Variants in UBE2H observed in about 807,000 individuals in gnomAD.
The protein encoded by UBE2H is ubiquitin-conjugating enzyme E2 H.
UBE2H carries 3 observed loss-of-function variants against 29.0 expected under a neutral mutation model. That is an observed-to-expected ratio of 0.10 (90% CI 0.05 to 0.27). UBE2H has a LOEUF of 0.27. UBE2H is among the 10% of genes least tolerant of loss of function. UBE2H has a pLI of 1.00. For missense variants in UBE2H, 68 were observed against 228.2 expected (o/e 0.30, Z 4.52); for synonymous variants, 69 against 82.9 (o/e 0.83, Z 0.91).
At position 129,834,078 on chromosome 7, in the gene UBE2H, A is replaced by G. The variant is rs1805279573; in HGVS notation, c.*859T>C. 6.6e-6 allele frequency: 1 copy of G among 152,260 alleles called. No homozygotes were observed. Among genetic ancestry groups the G allele is most frequent in the Non-Finnish European group, 1.5e-5 (1 of 68,054 alleles). The allele number at this position is 152,260 out of a possible 1,614,324, so 9.4% of individuals were successfully genotyped here. A position where few individuals can be genotyped will look rare whatever the true frequency, so the allele number is the denominator to read the frequency against. Reference sequence around the variant, plus strand: ...TATTTAAAGCTCTTAAGTTCAGGGTAGCGGTCTCAAACTGCCAAACACTAG... The same window carrying G: ...TATTTAAAGCTCTTAAGTTCAGGGTGGCGGTCTCAAACTGCCAAACACTAG... On this transcript the variant is annotated 3_prime_UTR_variant, in exon 7 of 7. Transcript: ENST00000355621.
rs1584761415 is a variant in UBE2H at position 129,879,657 on chromosome 7, A to G, written c.131-15T>C. ...TTCATATGGTGCTGAAATAAAAGTAAAAATGTTCATCAGAACTACATCTCC... is the reference window on the plus strand; with the variant it reads ...TTCATATGGTGCTGAAATAAAAGTAGAAATGTTCATCAGAACTACATCTCC... On this transcript the variant is annotated splice_polypyrimidine_tract_variant and intron_variant, in intron 2 of 6. Transcript: ENST00000355621. The G allele has an allele frequency of 1.2e-6, 2 of 1,605,552 alleles. No individual in the cohort carries two copies. The highest frequency in any genetic ancestry group is 2.2e-5 in the South Asian group (2 of 89,814).
rs879530415 is a variant in UBE2H, at chr7:129,914,767, T to C, written c.54-33796A>G. 3.7e-4 allele frequency among the ~76,000 whole-genome samples: 56 copies of C among 152,152 alleles called. 1 individual carries two copies. The highest frequency in any genetic ancestry group is 3.7e-3 in the Admixed American group (56 of 15,270). On this transcript the variant is annotated intron_variant, in intron 1 of 6. Coordinates refer to ENST00000355621, the MANE Select transcript of UBE2H (RefSeq NM_003344.4). ...TCAGTACCATAATAGAGAATTTAGT[T>C]GTTCAGAGTCAAAGCTCCCGAGTTA...
At chr7:129,877,885 T>C (rs1350692120) in intron 3 of UBE2H, among the ~76,000 whole-genome samples, 2 of 150,910 alleles carry the variant, frequency 1.3e-5, no homozygotes, top group Non-Finnish European at 2.9e-5. Flanking sequence ...AGTTCACTCT[T>C]AGTTTCAACA....
At chr7:129,918,956 C>T (rs1807098777) in intron 1 of UBE2H, among the ~76,000 whole-genome samples, 2 of 151,776 alleles carry the variant, frequency 1.3e-5, no homozygotes, top group Non-Finnish European at 2.9e-5. Context: ...TGGTAGTATA[C>T]GCCTATAGTA....
At position 129,833,476 on chromosome 7, in the gene UBE2H, G is replaced by A. The variant is rs1016528024; in HGVS notation, c.*1461C>T. On this transcript the variant is annotated 3_prime_UTR_variant, in exon 7 of 7. Coordinates refer to ENST00000355621, the MANE Select transcript of UBE2H (RefSeq NM_003344.4). ...CTAAAATTTCTCCAAACTCCCCTCC[G>A]AGTTCAGCAGGCAACACTCAGATTT... 6.6e-6 allele frequency: 1 copy of A among 152,166 alleles called. No individual in the cohort carries two copies. The highest frequency in any genetic ancestry group is 2.4e-5 in the African/African-American group (1 of 41,432). The allele number at this position is 152,166 out of a possible 1,614,324, so 9.4% of individuals were successfully genotyped here.
In UBE2H at chr7:129,861,994, T is replaced by G. The variant is rs145822701; in HGVS notation, c.206-3053A>C. Among the ~76,000 whole-genome samples, 475 of 152,368 alleles carry G rather than the reference T, an allele frequency of 3.1e-3. 2 individuals are homozygous for G. The highest frequency in any genetic ancestry group is 0.011 in the African/African-American group (453 of 41,590). ...AAAAAGCCAGTAAAACCAACCATTT[T>G]ATTTGAAATCTCGTATCTTAACACT... On this transcript the variant is annotated intron_variant, in intron 3 of 6. Transcript: ENST00000355621.
At chr7:129,903,074 T>C (rs879726940) in intron 1 of UBE2H, among the ~76,000 whole-genome samples, 1 of 152,214 alleles carries the variant, frequency 6.6e-6, no homozygotes, top group Non-Finnish European at 1.5e-5. Context: ...ATAATGCATA[T>C]GCAACCTAGT....
chr7:129,904,236 T>A lies in UBE2H; in HGVS notation c.54-23265A>T, dbSNP rs187897204. Among the ~76,000 whole-genome samples, 8 of 152,304 alleles carry A rather than the reference T, an allele frequency of 5.3e-5. No homozygotes were observed. The East Asian group carries it at 1.2e-3, about 22-fold the overall frequency. ...GCTATTTCTTCTGCCCAGCCCTGAT[T>A]TCCCTGTTTTGACAGATAGCTTGCT... On this transcript the variant is annotated intron_variant, in intron 1 of 6. Transcript: ENST00000355621.
rs548145258 is a variant in UBE2H at position 129,873,655 on chromosome 7, C to G, written c.205+5913G>C. Among the ~76,000 whole-genome samples, 4 of 151,592 alleles carry G rather than the reference C, an allele frequency of 2.6e-5. No individual in the cohort carries two copies. The East Asian group carries it at 7.8e-4, about 29-fold the overall frequency. On this transcript the variant is annotated intron_variant, in intron 3 of 6. Coordinates refer to ENST00000355621, the MANE Select transcript of UBE2H (RefSeq NM_003344.4). ...GTTTCTCCATATTGCTCAGGGTGGTCTCAAACCCCTTGTCTCCAGTGATGT... is the reference window on the plus strand; with the variant it reads ...GTTTCTCCATATTGCTCAGGGTGGTGTCAAACCCCTTGTCTCCAGTGATGT...
intron 1 of UBE2H, among the ~76,000 whole-genome samples, chr7:129,907,486 A>G (rs1221999274): frequency 6.6e-6 from 1 of 152,202 alleles, no homozygotes; most frequent in Non-Finnish European, 1.5e-5. Flanking sequence ...TTTTATTGCA[A>G]TAAGAGGTTC....
In UBE2H at chr7:129,867,465, C is replaced by T. The variant is rs546324689; in HGVS notation, c.206-8524G>A. On this transcript the variant is annotated intron_variant, in intron 3 of 6. Coordinates refer to ENST00000355621, the MANE Select transcript of UBE2H (RefSeq NM_003344.4). ...ATCGCAAGAACAAAAAACCAAACAC[C>T]GCATATTCTCACTCATAGGTGGGAA... Among the ~76,000 whole-genome samples, 156 of 114,382 alleles carry T rather than the reference C, an allele frequency of 1.4e-3. 1 individual carries two copies. Among genetic ancestry groups the T allele is most frequent in the African/African-American group, 4.8e-3 (141 of 29,204 alleles). 75.0% of individuals were successfully genotyped at this position (114,382 alleles called of 152,430 possible).
At chr7:129,852,335 T>A (rs1392845928) in intron 5 of UBE2H, among the ~76,000 whole-genome samples, 4 of 152,136 alleles carry the variant, frequency 2.6e-5, no homozygotes, top group Non-Finnish European at 5.9e-5. Flanking sequence ...AAATAAATTT[T>A]AGGTGCCTGT....
rs1468296702 is a variant in UBE2H at position 129,952,798 on chromosome 7, G to A, written c.-243C>T. ...GCTGCCCCTCTCCGGCTGTGGTTCC[G>A]CCGCGGCCCTGCCCCGGCGCTCCTC... On this transcript the variant is annotated 5_prime_UTR_variant, in exon 1 of 7. Coordinates refer to ENST00000355621, the MANE Select transcript of UBE2H (RefSeq NM_003344.4). 1 of 317,646 alleles carries A rather than the reference G, an allele frequency of 3.1e-6. No homozygotes were observed. The highest frequency in any genetic ancestry group is 5.7e-6 in the Non-Finnish European group (1 of 176,724). The allele number at this position is 317,646 out of a possible 1,614,324, so 19.7% of individuals were successfully genotyped here.
At chr7:129,842,962 C>T (rs1805452561) in intron 5 of UBE2H, among the ~76,000 whole-genome samples, 1 of 150,208 alleles carries the variant, frequency 6.7e-6, no homozygotes, top group South Asian at 2.1e-4. Flanking sequence ...GATCCCATAG[C>T]AGGGAAAAGT....
At chr7:129,946,001 C>T (rs1214131303) in intron 1 of UBE2H, among the ~76,000 whole-genome samples, 2 of 152,100 alleles carry the variant, frequency 1.3e-5, no homozygotes, top group Admixed American at 1.3e-4. Flanking sequence ...CCACCTCAGC[C>T]TCCCAAAGTG....
chr7:129,863,110 C>A (rs981191551), intron 3 of UBE2H, among the ~76,000 whole-genome samples: 1 of 152,162 alleles, frequency 6.6e-6, no homozygotes, highest in East Asian at 1.9e-4. Flanking sequence ...TTGGACATGA[C>A]CTGGAGAGCA....
chr7:129,952,562 G>C lies in UBE2H; in HGVS notation c.-7C>G, dbSNP rs1018390732. On this transcript the variant is annotated 5_prime_UTR_variant, in exon 1 of 7. Transcript: ENST00000355621. The stretch of plus-strand genomic sequence containing the variant: ...CCGGACTGGGAGATGACATGGTGTC[G>C]CCGCCGCCTCTCTCCCTTCCTCGGC... The C allele has an allele frequency of 6.2e-7, 1 of 1,610,436 alleles. No individual in the cohort carries two copies. The highest frequency in any genetic ancestry group is 1.7e-4 in the Middle Eastern group (1 of 5,992).
intron 1 of UBE2H, among the ~76,000 whole-genome samples, chr7:129,928,853 A>C (rs1256930192): frequency 6.6e-6 from 1 of 152,220 alleles, no homozygotes; most frequent in African/African-American, 2.4e-5. Flanking sequence ...AAGGCTCTGC[A>C]TATTAAAAAA....
intron 1 of UBE2H, among the ~76,000 whole-genome samples, chr7:129,949,884 C>CA (rs1807840040): frequency 6.6e-6 from 1 of 152,210 alleles, no homozygotes; most frequent in Admixed American, 6.5e-5. Context: ...TATCGCCCCC[C>CA]ACACCAAAGA....
Sources: gnomAD v4.1 joint callset for allele counts (sites outside exome capture counted in the v4.1 genomes callset) on GRCh38, gnomAD v4.1.1 for gene constraint, MANE v1.5 for transcripts, NCBI Gene and HGNC (gene_info 2026-07-23, HGNC 2026-07-21) for gene names.